The following PER3 variants were observed in gnomAD, a reference collection of about 807,000 sequenced individuals.
PER3 encodes the protein period circadian protein homolog 3.
Under a neutral mutation model 127.2 loss-of-function variants are expected in PER3, and 107 were observed. The ratio of observed to expected loss-of-function variants is 0.84; its 90% confidence interval spans 0.72 to 0.99. PER3 has a LOEUF of 0.99. Ranked by LOEUF, PER3 falls within the 50% of genes least tolerant of loss-of-function variation. The probability of loss-of-function intolerance (pLI) is 0.00; values close to 1 mark genes in which losing one functional copy is unlikely to be tolerated. For missense variants in PER3, 1,560 were observed against 1,525.8 expected (o/e 1.02, Z -0.37); for synonymous variants, 618 against 585.8 (o/e 1.05, Z -0.79).
intron 7 of PER3, among the ~76,000 whole-genome samples, chr1:7,800,848 A>G (rs1425721891): frequency 1.3e-5 from 2 of 150,214 alleles, no homozygotes; most frequent in African/African-American, 4.9e-5. Context: ...AAAAAGAGAG[A>G]AAACTATTTA....
intron 10 of PER3, among the ~76,000 whole-genome samples, chr1:7,806,695 G>A (rs892958564): frequency 7.3e-5 from 11 of 150,978 alleles, no homozygotes; most frequent in Admixed American, 3.3e-4. Flanking sequence ...TTAGGAGGCT[G>A]AGGCAAGAGG....
intron 10 of PER3, among the ~76,000 whole-genome samples, chr1:7,804,842 C>A (rs1374073540): frequency 1.3e-5 from 2 of 151,064 alleles, no homozygotes; most frequent in Non-Finnish European, 2.9e-5. Context: ...GGCTACAGTA[C>A]CCCTACCCCT....
intron 4 of PER3, chr1:7,787,185 A>G: frequency 1.6e-6 from 1 of 618,462 alleles, no homozygotes; most frequent in Non-Finnish European, 2.1e-6. Context: ...ATTTCTATTT[A>G]TATCATTCTT....
chr1:7,843,782 A>G lies in PER3; in HGVS notation c.*1027A>G, dbSNP rs1169886190. On this transcript the variant is annotated 3_prime_UTR_variant, in exon 22 of 22. Transcript: ENST00000377532. ...CAGGCGAGCCCAGTTGTCCTCGCCC[A>G]CAGGGTCCTGCAGGCTCCATCAGTC... is the stretch of plus-strand genomic sequence containing the variant. 2.3e-6 allele frequency: 1 copy of G among 427,052 alleles called. No homozygotes were observed. Among genetic ancestry groups the G allele is most frequent in the Non-Finnish European group, 3.4e-6 (1 of 291,372 alleles). 26.5% of individuals were successfully genotyped at this position (427,052 alleles called of 1,614,324 possible). A position where few individuals can be genotyped will look rare whatever the true frequency, so the allele number is the denominator to read the frequency against.
intron 8 of PER3, 136 bp downstream of exon 8, chr1:7,801,327 T>C (rs2097169975): frequency 1.8e-6 from 1 of 570,418 alleles, no homozygotes; most frequent in African/African-American, 1.9e-5. Context: ...TTTTGTTACA[T>C]GGAAATGTAT....
At chr1:7,838,487 CA>C (rs746378569) in intron 21 of PER3, among the ~76,000 whole-genome samples, 15 of 152,170 alleles carry the variant, frequency 9.9e-5, no homozygotes, top group Non-Finnish European at 2.1e-4. Context: ...TGGCTCACTG[CA>C]ACCTCTGCCT....
chr1:7,825,672 A>G (rs1211062396), intron 16 of PER3, among the ~76,000 whole-genome samples: 2 of 152,230 alleles, frequency 1.3e-5, no homozygotes, highest in Non-Finnish European at 2.9e-5. Flanking sequence ...CAGATGGATC[A>G]CCTGAGGTCA....
intron 13 of PER3, among the ~76,000 whole-genome samples, chr1:7,812,838 T>C (rs2097226481): frequency 6.6e-6 from 1 of 152,138 alleles, no homozygotes; most frequent in African/African-American, 2.4e-5. Flanking sequence ...CTTGATTTTA[T>C]TAACATTTGG....
chr1:7,827,828 C>A lies in PER3; in HGVS notation c.2886+13C>A. 1.3e-6 allele frequency: 2 copies of A among 1,569,058 alleles called. No homozygotes were observed. Among genetic ancestry groups the A allele is most frequent in the Non-Finnish European group, 1.7e-6 (2 of 1,145,688 alleles). On this transcript the variant is annotated intron_variant, in intron 18 of 21. Transcript: ENST00000377532. Reference sequence around the variant, plus strand: ...ACAAACTGAGTATGTAAGTGATGCTCATTTTCAACACTCAAGTGAGAAAGT... The same window carrying A: ...ACAAACTGAGTATGTAAGTGATGCTAATTTTCAACACTCAAGTGAGAAAGT...
chr1:7,797,172 G>T (rs2097149272), intron 6 of PER3, among the ~76,000 whole-genome samples: 1 of 152,044 alleles, frequency 6.6e-6, no homozygotes, highest in African/African-American at 2.4e-5. Context: ...TCGTGGATGT[G>T]GAGGGAAGCT....
In PER3 at chr1:7,827,237, G is replaced by A. The variant is rs776435807; in HGVS notation, c.2308G>A (p.Gly770Arg). The part of the protein sequence containing the change: ...SSNTGSGPRR[G>R]AHQNAQPCCP... ...GAACACCGGCTCTGGTCCCCGCAGG[G>A]GAGCGCATCAGAACGCACAGCCCTG... is the stretch of plus-strand genomic sequence containing the variant. Residue 770 changes from glycine (G) to arginine (R), a missense_variant, in exon 18 of 22, where the codon GGA becomes AGA. By Grantham distance (125) the Gly-to-Arg change is moderately radical (BLOSUM62 -2). Transcript: ENST00000377532. The A allele has an allele frequency of 6.2e-7, 1 of 1,613,988 alleles. No individual in the cohort carries two copies. The highest frequency in any genetic ancestry group is 1.7e-5 in the Admixed American group (1 of 60,018).
rs1204640701 is a variant in PER3 at position 7,827,348 on chromosome 1, G to C, written c.2419G>C (p.Val807Leu). The change falls in exon 18 of 22, where the codon GTC becomes CTC. Residue 807 changes from valine to leucine, a missense_variant. This residue lies in a region of PER3 where 1,332 missense variants were observed against 1,223.6 expected (regional missense o/e 1.09). Transcript: ENST00000377532. Reference protein sequence around the residue: ...AMVPSQAPYLVPAFPLPAATS... With the variant: ...AMVPSQAPYLLPAFPLPAATS... ...GGTGCCCAGCCAGGCCCCTTACCTC[G>C]TCCCAGCTTTTCCCCTCCCAGCCGC... 1.9e-6 allele frequency: 3 copies of C among 1,613,910 alleles called. No homozygotes were observed. Among genetic ancestry groups the C allele is most frequent in the East Asian group, 4.5e-5 (2 of 44,864 alleles).
Position 7,808,951 on chromosome 1 carries a change from A to G in PER3, c.1195A>G (p.Lys399Glu). 6.3e-7 allele frequency: 1 copy of G among 1,599,312 alleles called. No individual in the cohort carries two copies. The highest frequency in any genetic ancestry group is 8.6e-7 in the Non-Finnish European group (1 of 1,167,404). Residue 399 changes from lysine (K) to glutamate (E), a missense_variant, in exon 11 of 22, where the codon AAA (lysine) becomes GAA (glutamate). Coordinates refer to ENST00000377532, the MANE Select transcript of PER3 (RefSeq NM_001377275.1). ...TKIKKMNDNDKDITELQEQIY... is the reference protein window; with the variant it reads ...TKIKKMNDNDEDITELQEQIY... The stretch of plus-strand genomic sequence containing the variant: ...AATTAAAAAGATGAACGATAATGAC[A>G]AAGACATAACAGAATTACAAGAACA...
At position 7,784,937 on chromosome 1, in the gene PER3, C is replaced by CGAA. The variant is rs772763610; in HGVS notation, c.64_66dup (p.Glu22dup). 6.5e-7 allele frequency: 1 copy of CGAA among 1,539,962 alleles called. No homozygotes were observed. The highest frequency in any genetic ancestry group is 8.7e-7 in the Non-Finnish European group (1 of 1,155,126). ...GGGGGGCTAAGGACGAGGCCCTGGG[C>CGAA]GAAGAATCGGGGGAGCGGTGGAGCC... is the stretch of plus-strand genomic sequence containing the variant. On this transcript the variant is annotated inframe_insertion, in exon 2 of 22. Transcript: ENST00000377532.
intron 5 of PER3, among the ~76,000 whole-genome samples, chr1:7,792,818 C>A (rs756615922): frequency 3.9e-5 from 6 of 152,226 alleles, no homozygotes; most frequent in Non-Finnish European, 8.8e-5. Flanking sequence ...CACATATTTA[C>A]AGCCTAGGAA....
chr1:7,810,796 ATGTATT>A (rs1318803004), intron 13 of PER3: 8 of 406,022 alleles, frequency 2.0e-5, no homozygotes, highest in East Asian at 7.6e-5. Flanking sequence ...TGGTATTAGA[ATGTATT>A]TGTAACAGTT....
At position 7,819,400 on chromosome 1, in the gene PER3, C is replaced by T; in HGVS notation, c.1638C>T (p.Asn546=). 6.2e-7 allele frequency: 1 copy of T among 1,614,104 alleles called. No individual in the cohort carries two copies. ...ACAGCCCATCCTATCAACAGATCAA[C>T]TGTATCGACAGTGTCATCAGGTATG... ...DEHSPSYQQI[N]CIDSVIRYLK... Residue 546 remains asparagine (N), a synonymous_variant, in exon 14 of 22, where the codon AAC becomes AAT. Transcript: ENST00000377532.
intron 13 of PER3, among the ~76,000 whole-genome samples, chr1:7,816,386 C>T (rs186296354): frequency 6.6e-6 from 1 of 152,160 alleles, no homozygotes; most frequent in African/African-American, 2.4e-5. Context: ...ATGGCCATAC[C>T]ACCCTGAACG....
At chr1:7,792,728 T>C (rs1246775204) in intron 5 of PER3, among the ~76,000 whole-genome samples, 1 of 152,218 alleles carries the variant, frequency 6.6e-6, no homozygotes, top group Non-Finnish European at 1.5e-5. Flanking sequence ...AGAATATGTT[T>C]CTATTTAACA....
Sources: allele counts gnomAD v4.1 joint callset (sites outside exome capture counted in the v4.1 genomes callset), GRCh38; gene constraint gnomAD v4.1.1; regional missense constraint gnomAD v4.1.1; transcripts MANE v1.5; gene names NCBI Gene and HGNC (gene_info 2026-07-23, HGNC 2026-07-21).